Variants in SPOCK1 observed in about 807,000 individuals in gnomAD.
The protein encoded by SPOCK1 is SPARC (osteonectin), cwcv and kazal like domains proteoglycan 1.
A neutral mutation model predicts 55.3 loss-of-function variants in SPOCK1; 23 were observed. The observed-to-expected ratio is 0.42, with a 90% CI of 0.30 to 0.59. The LOEUF (loss-of-function observed/expected upper bound fraction) is 0.59, where lower values mean the gene tolerates loss of function less well. Ranked by LOEUF, SPOCK1 falls within the 20% of genes least tolerant of loss-of-function variation. The pLI, the probability that SPOCK1 is intolerant of heterozygous loss-of-function variation, is 0.22. For synonymous variants in SPOCK1, 226 were observed against 221.0 expected, an observed-to-expected ratio of 1.02 and a Z score of -0.20; for missense variants, 499 against 552.5, an observed-to-expected ratio of 0.90 and a Z score of 0.97.
At chr5:137,389,159 T>C (rs1277780604) in intron 2 of SPOCK1, among the ~76,000 whole-genome samples, 1 of 152,134 alleles carries the variant, frequency 6.6e-6, no homozygotes, top group Non-Finnish European at 1.5e-5. Context: ...CAACCCTCTT[T>C]AAAATAGCAC....
chr5:137,379,417 G>T (rs1209290162), intron 2 of SPOCK1, among the ~76,000 whole-genome samples: 9 of 151,984 alleles, frequency 5.9e-5, no homozygotes, highest in Non-Finnish European at 1.2e-4. Context: ...AGAAAAAAAA[G>T]TCCTGGGTAA....
chr5:137,154,218 C>T (rs1370228800), intron 3 of SPOCK1, among the ~76,000 whole-genome samples: 2 of 152,088 alleles, frequency 1.3e-5, no homozygotes, highest in South Asian at 2.1e-4. Context: ...ACCCAGGAGG[C>T]GGAGGTTGCA....
At chr5:137,335,591 C>T (rs1750248672) in intron 2 of SPOCK1, among the ~76,000 whole-genome samples, 1 of 152,232 alleles carries the variant, frequency 6.6e-6, no homozygotes, top group Admixed American at 6.5e-5. Flanking sequence ...CTTACGGCCT[C>T]TGCAATTGAG....
At chr5:137,297,893 C>T (rs548953951) in intron 2 of SPOCK1, among the ~76,000 whole-genome samples, 66 of 152,186 alleles carry the variant, frequency 4.3e-4, no homozygotes, top group African/African-American at 1.5e-3. Flanking sequence ...ATATTTTCAT[C>T]AGAAAAGAGC....
At chr5:137,009,640 A>C (rs1751314242) in intron 6 of SPOCK1, among the ~76,000 whole-genome samples, 1 of 152,214 alleles carries the variant, frequency 6.6e-6, no homozygotes, top group Admixed American at 6.5e-5. Context: ...ATAACCCAAG[A>C]CAGTTTGCAC....
intron 3 of SPOCK1, among the ~76,000 whole-genome samples, chr5:137,235,945 T>C (rs1174791833): frequency 1.3e-5 from 2 of 152,230 alleles, no homozygotes; most frequent in Non-Finnish European, 2.9e-5. Context: ...TAAATGAAAC[T>C]ATGCTAACAT....
chr5:137,087,595 G>A (rs531508670), intron 5 of SPOCK1, among the ~76,000 whole-genome samples: 2 of 152,226 alleles, frequency 1.3e-5, no homozygotes, highest in Non-Finnish European at 2.9e-5. Context: ...TGGCAGGGAG[G>A]GCTGGAGACT....
chr5:136,982,349 ACT>A (rs1242112118), intron 9 of SPOCK1, among the ~76,000 whole-genome samples: 1 of 152,086 alleles, frequency 6.6e-6, no homozygotes, highest in Non-Finnish European at 1.5e-5. Context: ...TTTTTGTATA[ACT>A]CTCCTTTAAA....
At chr5:137,433,344 GT>G (rs10711268) in intron 2 of SPOCK1, among the ~76,000 whole-genome samples, 140,106 of 152,232 alleles carry the variant, frequency 0.92, 65,228 homozygotes, top group East Asian at 1. Flanking sequence ...ACAATAGCCA[GT>G]TCACTAGGCA....
intron 2 of SPOCK1, among the ~76,000 whole-genome samples, chr5:137,443,151 A>G (rs1753053734): frequency 6.6e-6 from 1 of 152,008 alleles, no homozygotes. Flanking sequence ...CTAAACTTGG[A>G]CATGTTATTT....
At chr5:137,178,877 T>C (rs1754912168) in intron 3 of SPOCK1, among the ~76,000 whole-genome samples, 1 of 152,182 alleles carries the variant, frequency 6.6e-6, no homozygotes, top group African/African-American at 2.4e-5. Context: ...GGGATAGGCT[T>C]AAGATAGTAG....
At chr5:137,038,862 A>G (rs1392960658) in intron 6 of SPOCK1, among the ~76,000 whole-genome samples, 1 of 152,246 alleles carries the variant, frequency 6.6e-6, no homozygotes, top group Non-Finnish European at 1.5e-5. Flanking sequence ...ATGAGAGCAG[A>G]AACTGCGTAT....
rs370059592 is a variant in SPOCK1 at position 137,174,877 on chromosome 5, A to G, written c.233-34183T>C. Reference sequence around the variant, plus strand: ...CCCATGGGAAAGAGCGATGGCATAAAGGCACCATATGCCCCATGGAGCACC... The same window carrying G: ...CCCATGGGAAAGAGCGATGGCATAAGGGCACCATATGCCCCATGGAGCACC... On this transcript the variant is annotated intron_variant, in intron 3 of 10. Transcript: ENST00000394945. Among the ~76,000 whole-genome samples the G allele has an allele frequency of 2.6e-5, 4 of 152,280 alleles. No individual in the cohort carries two copies. The East Asian group carries it at 7.7e-4, about 29-fold the overall frequency.
chr5:137,192,557 T>A (rs1755913671), intron 3 of SPOCK1, among the ~76,000 whole-genome samples: 1 of 152,222 alleles, frequency 6.6e-6, no homozygotes, highest in Admixed American at 6.5e-5. Flanking sequence ...GTCCCTAGCA[T>A]GGGCAGGGGC....
At chr5:137,262,494 C>T (rs1042885833) in intron 3 of SPOCK1, among the ~76,000 whole-genome samples, 1 of 152,206 alleles carries the variant, frequency 6.6e-6, no homozygotes, top group African/African-American at 2.4e-5. Context: ...TTCCCTACCC[C>T]CCAGTAGGAC....
chr5:137,432,823 G>A (rs1752778350), intron 2 of SPOCK1, among the ~76,000 whole-genome samples: 1 of 152,064 alleles, frequency 6.6e-6, no homozygotes, highest in Admixed American at 6.5e-5. Context: ...TCCTAATACT[G>A]ATATTATCAT....
intron 4 of SPOCK1, among the ~76,000 whole-genome samples, chr5:137,125,652 G>C (rs138332273): frequency 5.5e-4 from 84 of 152,260 alleles, no homozygotes; most frequent in African/African-American, 1.7e-3. Flanking sequence ...GAACTTCCTA[G>C]CCTTCAGAAC....
intron 2 of SPOCK1, among the ~76,000 whole-genome samples, chr5:137,377,209 T>C (rs1751337371): frequency 1.3e-5 from 2 of 152,228 alleles, no homozygotes; most frequent in African/African-American, 4.8e-5. Context: ...AAGCACTGTA[T>C]CAGGAAATGG....
At chr5:137,238,054 T>C (rs1756212607) in intron 3 of SPOCK1, among the ~76,000 whole-genome samples, 1 of 152,202 alleles carries the variant, frequency 6.6e-6, no homozygotes, top group Non-Finnish European at 1.5e-5. Context: ...CTGTGTGATC[T>C]TGGGCAAGAC....
Sources: gnomAD v4.1 joint callset for allele counts (sites outside exome capture counted in the v4.1 genomes callset) on GRCh38, gnomAD v4.1.1 for gene constraint, MANE v1.5 for transcripts, NCBI Gene and HGNC (gene_info 2026-07-23, HGNC 2026-07-21) for gene names.